Variants in GUCY1A2 observed in about 807,000 individuals in gnomAD.
The protein encoded by GUCY1A2 is guanylate cyclase 1 soluble subunit alpha 2, also known as guanylate cyclase soluble subunit alpha-2.
GUCY1A2 carries 27 observed loss-of-function variants against 63.5 expected under a neutral mutation model. The observed-to-expected ratio is 0.43, with a 90% confidence interval of 0.31 to 0.59. The LOEUF is 0.59. Ranked by LOEUF, GUCY1A2 falls within the 20% of genes least tolerant of loss-of-function variation. The pLI is 0.11. For missense variants in GUCY1A2, 768 were observed against 913.3 expected (o/e 0.84, Z 2.05); for synonymous variants, 364 against 343.5 (o/e 1.06, Z -0.66).
At chr11:107,011,189 T>C (rs192422730) in intron 1 of GUCY1A2, among the ~76,000 whole-genome samples, 4 of 152,302 alleles carry the variant, frequency 2.6e-5, no homozygotes, top group Admixed American at 2.0e-4. Flanking sequence ...CTTGCAAATA[T>C]TCTCCCGGCC....
At chr11:106,771,968 T>C (rs1864265271) in intron 6 of GUCY1A2, among the ~76,000 whole-genome samples, 1 of 152,174 alleles carries the variant, frequency 6.6e-6, no homozygotes, top group South Asian at 2.1e-4. Flanking sequence ...TATTTATGAA[T>C]GCTTTATAGA....
At chr11:106,855,589 G>A (rs1859418394) in intron 4 of GUCY1A2, among the ~76,000 whole-genome samples, 1 of 152,078 alleles carries the variant, frequency 6.6e-6, no homozygotes, top group African/African-American at 2.4e-5. Context: ...TAAGGTAGCT[G>A]CCCAAACTTA....
chr11:106,766,975 TA>T (rs1169328609), intron 6 of GUCY1A2, among the ~76,000 whole-genome samples: 6 of 152,004 alleles, frequency 3.9e-5, no homozygotes, highest in African/African-American at 1.2e-4. Context: ...AAACGTCAGA[TA>T]AATAAAAACA....
At chr11:106,748,291 C>CAGTA (rs10625609) in intron 6 of GUCY1A2, among the ~76,000 whole-genome samples, 1 of 151,472 alleles carries the variant, frequency 6.6e-6, no homozygotes, top group Non-Finnish European at 1.5e-5. Flanking sequence ...ACTGTCAAAA[C>CAGTA]AACCTGAAAC....
At chr11:106,741,172 AT>A (rs1863688259) in intron 6 of GUCY1A2, among the ~76,000 whole-genome samples, 1 of 152,260 alleles carries the variant, frequency 6.6e-6, no homozygotes, top group South Asian at 2.1e-4. Context: ...ATAGCATTTT[AT>A]TTAATACATT....
chr11:106,691,382 G>T (rs554677459), intron 7 of GUCY1A2, among the ~76,000 whole-genome samples: 3 of 152,316 alleles, frequency 2.0e-5, no homozygotes, highest in African/African-American at 7.2e-5. Flanking sequence ...CCATAGTTCA[G>T]TCTTTCCACA....
chr11:106,776,452 C>T lies in GUCY1A2; in HGVS notation c.1823G>A (p.Gly608Glu). Residue 608 changes from glycine to glutamate, a missense_variant, in exon 6 of 8, where the codon GGA (glycine) becomes GAA (glutamate). Physicochemically the swap from Gly to Glu is moderately conservative, Grantham distance 98. Transcript: ENST00000526355. ...ELSEEVLTPD[G>E]RPIQMRIGIH... is the part of the protein sequence containing the mutation. ...TGGGAGGGTTACCTGAATCGGTCTTCCATCAGGTGTCAGCACCTCTTCTGA... is the reference window on the plus strand; with the variant it reads ...TGGGAGGGTTACCTGAATCGGTCTTTCATCAGGTGTCAGCACCTCTTCTGA... 6.2e-7 allele frequency: 1 copy of T among 1,613,384 alleles called. No homozygotes were observed. Among genetic ancestry groups the T allele is most frequent in the Non-Finnish European group, 8.5e-7 (1 of 1,179,386 alleles).
chr11:106,973,781 A>C (rs1276809730), intron 3 of GUCY1A2, among the ~76,000 whole-genome samples: 1 of 152,144 alleles, frequency 6.6e-6, no homozygotes, highest in Non-Finnish European at 1.5e-5. Flanking sequence ...TCACCTAAAA[A>C]AGTAAGCAAA....
chr11:107,003,266 AC>A (rs1861632305), intron 1 of GUCY1A2, among the ~76,000 whole-genome samples: 1 of 152,162 alleles, frequency 6.6e-6, no homozygotes, highest in Non-Finnish European at 1.5e-5. Context: ...TTCTAAGGCC[AC>A]TAGCAACCTC....
intron 3 of GUCY1A2, among the ~76,000 whole-genome samples, chr11:106,942,567 G>A (rs1454163391): frequency 6.6e-6 from 1 of 152,146 alleles, no homozygotes; most frequent in Admixed American, 6.5e-5. Flanking sequence ...ATATTCCATG[G>A]ATTGCTTCTA....
At chr11:106,891,920 C>T (rs145365837) in intron 4 of GUCY1A2, among the ~76,000 whole-genome samples, 89 of 152,072 alleles carry the variant, frequency 5.9e-4, no homozygotes, top group African/African-American at 1.9e-3. Context: ...AAGACAGCAG[C>T]GACTACAAAA....
At position 107,017,889 on chromosome 11, in the gene GUCY1A2, G is replaced by A. The variant is rs557033576; in HGVS notation, c.167C>T (p.Ala56Val). 30 of 1,246,430 alleles carry A rather than the reference G, an allele frequency of 2.4e-5. No homozygotes were observed. The African/African-American group carries it at 3.8e-4, about 16-fold the overall frequency. 77.2% of individuals were successfully genotyped at this position (1,246,430 alleles called of 1,614,324 possible). ...LEPSPAAAAAAAAPAPTPAAS... is the reference protein window; with the variant it reads ...LEPSPAAAAAVAAPAPTPAAS... The stretch of plus-strand genomic sequence containing the variant: ...AGCCGGGGTCGGGGCCGGGGCGGCG[G>A]CAGCGGCAGCTGCGGCCGGGCTGGG... The change falls in exon 1 of 8, where the codon GCC becomes GTC. Residue 56 changes from alanine to valine, a missense_variant. Ala to Val is a moderately conservative substitution (Grantham distance 64, BLOSUM62 0). Coordinates refer to ENST00000526355, the MANE Select transcript of GUCY1A2 (RefSeq NM_000855.3).
At chr11:106,962,125 G>A (rs1861065642) in intron 3 of GUCY1A2, among the ~76,000 whole-genome samples, 1 of 152,216 alleles carries the variant, frequency 6.6e-6, no homozygotes, top group African/African-American at 2.4e-5. Flanking sequence ...GGTGAGAGCA[G>A]GAACAATGGT....
intron 6 of GUCY1A2, among the ~76,000 whole-genome samples, chr11:106,775,353 T>G (rs1410494880): frequency 6.6e-6 from 1 of 152,130 alleles, no homozygotes; most frequent in African/African-American, 2.4e-5. Context: ...TTACAACACA[T>G]GGAATCTGTG....
At chr11:106,750,241 C>T (rs376213084) in intron 6 of GUCY1A2, among the ~76,000 whole-genome samples, 4 of 151,980 alleles carry the variant, frequency 2.6e-5, no homozygotes, top group South Asian at 2.1e-4. Context: ...GAAAAAGAGC[C>T]GGCAGATTTA....
At chr11:106,965,404 C>T (rs1292556738) in intron 3 of GUCY1A2, among the ~76,000 whole-genome samples, 1 of 152,050 alleles carries the variant, frequency 6.6e-6, no homozygotes, top group Non-Finnish European at 1.5e-5. Context: ...TGTATACATA[C>T]ATATGTATAC....
intron 1 of GUCY1A2, among the ~76,000 whole-genome samples, chr11:107,014,511 C>G (rs1450410239): frequency 6.6e-6 from 1 of 152,066 alleles, no homozygotes; most frequent in African/African-American, 2.4e-5. Context: ...AGAATCAGGT[C>G]TCCCGAATTC....
rs2135328605 is a variant in GUCY1A2, at chr11:106,682,837, A to T, written c.*4712T>A. On this transcript the variant is annotated 3_prime_UTR_variant, in exon 8 of 8. Transcript: ENST00000526355. ...AAAGAAGGAACAAAGGAAGGAAGAAAACAAGGGATGGAAGAACAGTCATAC... is the reference window on the plus strand; with the variant it reads ...AAAGAAGGAACAAAGGAAGGAAGAATACAAGGGATGGAAGAACAGTCATAC... 3 of 215,364 alleles carry T rather than the reference A, an allele frequency of 1.4e-5. No individual in the cohort carries two copies. The highest frequency in any genetic ancestry group is 3.0e-3 in the Middle Eastern group (2 of 664). The allele number at this position is 215,364 out of a possible 1,614,324, so 13.3% of individuals were successfully genotyped here.
At chr11:106,795,589 A>G (rs1229728316) in intron 5 of GUCY1A2, among the ~76,000 whole-genome samples, 1 of 151,986 alleles carries the variant, frequency 6.6e-6, no homozygotes, top group African/African-American at 2.4e-5. Context: ...CTAAATCAGC[A>G]GTCTCACAGC....
Sources: gnomAD v4.1 joint callset for allele counts (sites outside exome capture counted in the v4.1 genomes callset) on GRCh38, gnomAD v4.1.1 for gene constraint, MANE v1.5 for transcripts, NCBI Gene and HGNC (gene_info 2026-07-23, HGNC 2026-07-21) for gene names.